The following ACVR1C variants were observed in gnomAD, a reference collection of about 807,000 sequenced individuals.
ACVR1C encodes activin A receptor type 1C, also known as activin receptor type-1C.
Under a neutral mutation model 57.9 loss-of-function variants are expected in ACVR1C, and 23 were observed. That is an observed-to-expected ratio of 0.40 (90% CI 0.29 to 0.56). The LOEUF is 0.56. Among genes scored for constraint, ACVR1C ranks in the 20% least tolerant of loss-of-function variants. The probability of loss-of-function intolerance (pLI) is 0.50; values close to 1 mark genes in which losing one functional copy is unlikely to be tolerated. For missense variants in ACVR1C, 480 were observed against 607.9 expected (o/e 0.79, Z 2.21); for synonymous variants, 214 against 215.3 (o/e 0.99, Z 0.05).
chr2:157,537,412 TTTAATTTCAATTAA>T (rs1687516424), intron 8 of ACVR1C, among the ~76,000 whole-genome samples: 1 of 151,842 alleles, frequency 6.6e-6, no homozygotes, highest in Non-Finnish European at 1.5e-5. Flanking sequence ...AAATTTTTAA[TTTAATTTCAATTAA>T]ATTATAAATG....
At chr2:157,551,652 A>G (rs564813884) in intron 3 of ACVR1C, among the ~76,000 whole-genome samples, 7 of 152,298 alleles carry the variant, frequency 4.6e-5, no homozygotes, top group African/African-American at 1.4e-4. Context: ...AATTTCCACA[A>G]TTGATATTTA....
intron 6 of ACVR1C, among the ~76,000 whole-genome samples, 159 bp from the exon 7 acceptor site, chr2:157,541,373 T>C (rs940749740): frequency 6.6e-6 from 1 of 152,164 alleles, no homozygotes; most frequent in Non-Finnish European, 1.5e-5. Flanking sequence ...AACCATCAAG[T>C]GTGTTCAGCA....
At chr2:157,543,549 G>T (rs1687669908) in intron 5 of ACVR1C, among the ~76,000 whole-genome samples, 1 of 152,120 alleles carries the variant, frequency 6.6e-6, no homozygotes, top group Non-Finnish European at 1.5e-5. Flanking sequence ...AAATTCCTCA[G>T]TTTTAATTTC....
At position 157,628,683 on chromosome 2, in the gene ACVR1C, A is replaced by G; in HGVS notation, c.-39T>C. On this transcript the variant is annotated 5_prime_UTR_variant, in exon 1 of 9. Coordinates refer to ENST00000243349, the MANE Select transcript of ACVR1C (RefSeq NM_145259.3). Reference sequence around the variant, plus strand: ...CCGCGCCGGGGCTGCGAGGCCCCAGAGCAGAGCGAGGCAGCCGGGGCAGCA... The same window carrying G: ...CCGCGCCGGGGCTGCGAGGCCCCAGGGCAGAGCGAGGCAGCCGGGGCAGCA... The G allele has an allele frequency of 6.6e-7, 1 of 1,506,942 alleles. No individual in the cohort carries two copies. The highest frequency in any genetic ancestry group is 8.8e-7 in the Non-Finnish European group (1 of 1,130,196). 93.3% of individuals were successfully genotyped at this position (1,506,942 alleles called of 1,614,324 possible). A position where few individuals can be genotyped will look rare whatever the true frequency, so the allele number is the denominator to read the frequency against.
intron 4 of ACVR1C, among the ~76,000 whole-genome samples, chr2:157,545,603 T>C (rs1194438899): frequency 1.3e-5 from 2 of 152,152 alleles, no homozygotes; most frequent in Non-Finnish European, 1.5e-5. Flanking sequence ...AAACTGTCAA[T>C]GTTGCAAAAG....
intron 5 of ACVR1C, 120 bp from the exon 6 acceptor site, chr2:157,542,982 G>T (rs1432064017): frequency 1.5e-5 from 15 of 987,712 alleles, no homozygotes; most frequent in Non-Finnish European, 2.2e-5. Flanking sequence ...CAAAGCTCTT[G>T]TCACTATCTA....
intron 1 of ACVR1C, among the ~76,000 whole-genome samples, chr2:157,589,922 A>C (rs566750549): frequency 6.6e-6 from 1 of 152,016 alleles, no homozygotes; most frequent in East Asian, 1.9e-4. Context: ...ACAAAAACTG[A>C]CACTGGGGAA....
intron 1 of ACVR1C, among the ~76,000 whole-genome samples, chr2:157,621,050 A>G (rs1019466286): frequency 3.3e-5 from 5 of 152,150 alleles, no homozygotes; most frequent in African/African-American, 1.2e-4. Context: ...AAGTGGATTG[A>G]TCTAATTTGG....
At chr2:157,581,483 G>C (rs905551861) in intron 2 of ACVR1C, among the ~76,000 whole-genome samples, 1 of 152,122 alleles carries the variant, frequency 6.6e-6, no homozygotes, top group Non-Finnish European at 1.5e-5. Context: ...ACACCTACTA[G>C]GGGGAGACGG....
Position 157,533,692 on chromosome 2 carries a change from G to T in ACVR1C, c.*226C>A. ...TTATTAAATAAAAAGATGAGTTGAG[G>T]TGTTGCTTTCAAAATAAAATTAAAC... On this transcript the variant is annotated 3_prime_UTR_variant, in exon 9 of 9. Coordinates refer to ENST00000243349, the MANE Select transcript of ACVR1C (RefSeq NM_145259.3). 3.6e-6 allele frequency: 1 copy of T among 280,250 alleles called. No homozygotes were observed. The highest frequency in any genetic ancestry group is 6.5e-6 in the Non-Finnish European group (1 of 153,066). The allele number at this position is 280,250 out of a possible 1,614,324, so 17.4% of individuals were successfully genotyped here.
At chr2:157,602,641 C>G (rs1682304439) in intron 1 of ACVR1C, among the ~76,000 whole-genome samples, 1 of 152,050 alleles carries the variant, frequency 6.6e-6, no homozygotes, top group South Asian at 2.1e-4. Context: ...AGACTAAACA[C>G]CCCCAAATCA....
intron 2 of ACVR1C, among the ~76,000 whole-genome samples, chr2:157,584,834 C>T (rs1199905756): frequency 6.6e-6 from 1 of 152,200 alleles, no homozygotes; most frequent in African/African-American, 2.4e-5. Flanking sequence ...AATCTGAATG[C>T]ACGTCAATGG....
At chr2:157,545,418 A>T (rs1385812312) in intron 4 of ACVR1C, among the ~76,000 whole-genome samples, 1 of 152,200 alleles carries the variant, frequency 6.6e-6, no homozygotes, top group Non-Finnish European at 1.5e-5. Context: ...TTAATTTCCA[A>T]ATCTGGGTAG....
intron 3 of ACVR1C, among the ~76,000 whole-genome samples, chr2:157,551,837 A>G (rs1687931304): frequency 1.3e-5 from 2 of 152,198 alleles, no homozygotes; most frequent in Non-Finnish European, 2.9e-5. Context: ...GTTCATTCAC[A>G]TGTTCTCATA....
chr2:157,555,723 A>G (rs955064713), intron 3 of ACVR1C, among the ~76,000 whole-genome samples: 2 of 152,202 alleles, frequency 1.3e-5, no homozygotes, highest in Admixed American at 1.3e-4. Context: ...TAAATACCAC[A>G]ACCCTAACTC....
At chr2:157,555,710 C>G (rs1688083726) in intron 3 of ACVR1C, among the ~76,000 whole-genome samples, 1 of 152,142 alleles carries the variant, frequency 6.6e-6, no homozygotes, top group Non-Finnish European at 1.5e-5. Flanking sequence ...GAACTCAACA[C>G]CTTAAATACC....
At chr2:157,550,036 A>G in intron 4 of ACVR1C, 126 bp downstream of exon 4, 21 of 679,298 alleles carry the variant, frequency 3.1e-5, no homozygotes, top group Middle Eastern at 4.5e-4. Context: ...AGGAAAAGGA[A>G]AAAAAAAAAA....
intron 2 of ACVR1C, among the ~76,000 whole-genome samples, chr2:157,566,383 C>T (rs1383448880): frequency 6.6e-6 from 1 of 152,156 alleles, no homozygotes; most frequent in Admixed American, 6.5e-5. Context: ...AGGAACAGCT[C>T]CGGTCTATAG....
chr2:157,527,324 CT>C lies in ACVR1C; in HGVS notation c.*6593del, dbSNP rs1325201672. On this transcript the variant is annotated 3_prime_UTR_variant, in exon 9 of 9. Transcript: ENST00000243349. ...TTGGGCCTGTCGGCTGAAAGACAATCTTTTTACATACTTAAGAGTATCAGCT... is the reference window on the plus strand; with the variant it reads ...TTGGGCCTGTCGGCTGAAAGACAATCTTTTACATACTTAAGAGTATCAGCT... 6.6e-6 allele frequency: 1 copy of C among 152,110 alleles called. No individual in the cohort carries two copies. The highest frequency in any genetic ancestry group is 1.5e-5 in the Non-Finnish European group (1 of 68,002). The allele number at this position is 152,110 out of a possible 1,614,324, so 9.4% of individuals were successfully genotyped here.
Sources: allele counts gnomAD v4.1 joint callset (sites outside exome capture counted in the v4.1 genomes callset), GRCh38; gene constraint gnomAD v4.1.1; transcripts MANE v1.5; gene names NCBI Gene and HGNC (gene_info 2026-07-23, HGNC 2026-07-21).